METTL25: variants seen among roughly 807,000 people sequenced by gnomAD.
METTL25 encodes the protein methyltransferase like 25.
METTL25 carries 64 observed loss-of-function variants against 71.6 expected under a neutral mutation model. That is an observed-to-expected ratio of 0.89 (90% confidence interval 0.73 to 1.10). The LOEUF is 1.10. Ranked by LOEUF, METTL25 falls within the 50% of genes least tolerant of loss-of-function variation. The pLI, the probability that METTL25 is intolerant of heterozygous loss-of-function variation, is 0.00. For missense variants in METTL25, 807 were observed against 707.0 expected, an observed-to-expected ratio of 1.14 and a Z score of -1.60; for synonymous variants, 287 against 250.3, an observed-to-expected ratio of 1.15 and a Z score of -1.38.
intron 8 of METTL25, among the ~76,000 whole-genome samples, chr12:82,455,952 AG>A (rs1321532023): frequency 6.6e-6 from 1 of 151,928 alleles, no homozygotes; most frequent in Non-Finnish European, 1.5e-5. Context: ...TGTAATAAAA[AG>A]TGGAATTGAG....
In METTL25 at chr12:82,385,868, T is replaced by C. The variant is rs149521452; in HGVS notation, c.260-935T>C. ...TTGACACATGCTTTGATTACAGAGC[T>C]GAGACAAAAAAGAGTACTGAATCTT... is the stretch of plus-strand genomic sequence containing the variant. On this transcript the variant is annotated intron_variant, in intron 1 of 11. Coordinates refer to ENST00000248306, the MANE Select transcript of METTL25 (RefSeq NM_032230.3). Among the ~76,000 whole-genome samples the C allele has an allele frequency of 9.1e-4, 138 of 152,212 alleles. 4 individuals are homozygous for C. In the Middle Eastern group the frequency reaches 0.014, roughly 15 times the overall value.
In METTL25 at chr12:82,403,007, A is replaced by G. The variant is rs1380023072; in HGVS notation, c.1156A>G (p.Thr386Ala). The G allele has an allele frequency of 1.9e-6, 3 of 1,612,218 alleles. No homozygotes were observed. Among genetic ancestry groups the G allele is most frequent in the South Asian group, 1.1e-5 (1 of 90,774 alleles). ...GGATTGTTTGATGGTGGGTCTCCAC[A>G]CTTGTGGTGATCTGGCTCCAAATAC... The part of the protein sequence containing the change: ...LEDCLMVGLH[T>A]CGDLAPNTLR... The change falls in exon 5 of 12, where the codon ACT becomes GCT. Residue 386 changes from threonine to alanine, a missense_variant. By Grantham distance (58) the Thr-to-Ala change is moderately conservative. Coordinates refer to ENST00000248306, the MANE Select transcript of METTL25 (RefSeq NM_032230.3).
chr12:82,402,124 G>A lies in METTL25; in HGVS notation c.1132-859G>A, dbSNP rs115525687. ...GTGTGTACATTTAAATTAGGCTTTG[G>A]ATAATTAGAATAAACATTTCATAGG... On this transcript the variant is annotated intron_variant, in intron 4 of 11. Transcript: ENST00000248306. 8.0e-3 allele frequency among the ~76,000 whole-genome samples: 1,219 copies of A among 151,880 alleles called. 11 individuals carry two copies. Among genetic ancestry groups the A allele is most frequent in the African/African-American group, 0.028 (1,180 of 41,494 alleles).
At chr12:82,450,427 C>T (rs1891058329) in intron 8 of METTL25, among the ~76,000 whole-genome samples, 1 of 152,134 alleles carries the variant, frequency 6.6e-6, no homozygotes, top group African/African-American at 2.4e-5. Context: ...TCACCGTCCT[C>T]AGGACCATCA....
rs544790330 is a variant in METTL25 at position 82,458,077 on chromosome 12, C to A, written c.1572+1257C>A. Among the ~76,000 whole-genome samples, 18 of 152,076 alleles carry A rather than the reference C, an allele frequency of 1.2e-4. No individual in the cohort carries two copies. The East Asian group carries it at 3.5e-3, about 29-fold the overall frequency. On this transcript the variant is annotated intron_variant, in intron 9 of 11. Transcript: ENST00000248306. Reference sequence around the variant, plus strand: ...CTTAATAAATTAAAAAATTTATTATCATTCCTTCTGGCTTTGTTTTCCCAG... The same window carrying A: ...CTTAATAAATTAAAAAATTTATTATAATTCCTTCTGGCTTTGTTTTCCCAG...
At chr12:82,403,452 G>A (rs971894576) in intron 5 of METTL25, among the ~76,000 whole-genome samples, 5 of 152,094 alleles carry the variant, frequency 3.3e-5, no homozygotes, top group African/African-American at 1.2e-4. Context: ...CATTTACTGA[G>A]TTAGTAAAAC....
At chr12:82,447,738 G>A (rs1441281091) in intron 8 of METTL25, among the ~76,000 whole-genome samples, 4 of 152,060 alleles carry the variant, frequency 2.6e-5, no homozygotes, top group Non-Finnish European at 1.5e-5. Context: ...CAAGTTTGAT[G>A]TTGGGTACAA....
chr12:82,420,777 A>G (rs901825247), intron 5 of METTL25, among the ~76,000 whole-genome samples: 4 of 152,272 alleles, frequency 2.6e-5, no homozygotes, highest in African/African-American at 9.6e-5. Flanking sequence ...TTGGGGTCTT[A>G]ATATTAAAAG....
rs997457002 is a variant in METTL25, at chr12:82,469,525, A to G, written c.1573-7119A>G. Among the ~76,000 whole-genome samples the G allele has an allele frequency of 5.9e-5, 9 of 152,058 alleles. No homozygotes were observed. The East Asian group carries it at 1.8e-3, about 30-fold the overall frequency. On this transcript the variant is annotated intron_variant, in intron 9 of 11. Transcript: ENST00000248306. ...GAGAACTTACTATCATGAAAATAGC[A>G]TGGGGGAAACTGCCCCCATGATTCA...
intron 8 of METTL25, among the ~76,000 whole-genome samples, chr12:82,452,859 G>A (rs1158128412): frequency 6.6e-6 from 1 of 151,902 alleles, no homozygotes; most frequent in Non-Finnish European, 1.5e-5. Context: ...TTTATCCTCA[G>A]CCTTATGAGA....
At chr12:82,393,267 A>G (rs936071085) in intron 3 of METTL25, among the ~76,000 whole-genome samples, 1 of 152,056 alleles carries the variant, frequency 6.6e-6, no homozygotes, top group Non-Finnish European at 1.5e-5. Flanking sequence ...TGAACATGAA[A>G]TATCTTTCAG....
At chr12:82,372,897 C>T (rs767865716) in intron 1 of METTL25, among the ~76,000 whole-genome samples, 37 of 152,238 alleles carry the variant, frequency 2.4e-4, no homozygotes, top group Non-Finnish European at 4.1e-4. Context: ...GAACCTGCAA[C>T]GGTCCCTGGA....
chr12:82,461,105 T>C (rs71468181), intron 9 of METTL25, among the ~76,000 whole-genome samples: 7,973 of 152,240 alleles, frequency 0.052, 291 homozygotes, highest in Non-Finnish European at 0.077. Context: ...ATCGTGCCAC[T>C]GCACTCCAGC....
intron 7 of METTL25, 78 bp downstream of exon 7, chr12:82,434,802 A>T: frequency 8.8e-7 from 1 of 1,137,518 alleles, no homozygotes; most frequent in Non-Finnish European, 1.3e-6. Context: ...TGATGAACTT[A>T]AAACCTAATG....
intron 4 of METTL25, 68 bp downstream of exon 4, chr12:82,399,462 A>G: frequency 8.5e-7 from 1 of 1,178,252 alleles, no homozygotes; most frequent in Non-Finnish European, 1.2e-6. Flanking sequence ...ATAGTAGCTT[A>G]CTTAACATAC....
intron 1 of METTL25, among the ~76,000 whole-genome samples, chr12:82,382,997 A>G (rs7294918): frequency 0.058 from 8,860 of 152,258 alleles, 337 homozygotes; most frequent in Middle Eastern, 0.12. Context: ...GGTATGAGCC[A>G]CTATGCCCAG....
intron 1 of METTL25, 173 bp downstream of exon 1, chr12:82,358,997 C>T (rs1022436988): frequency 9.1e-5 from 62 of 679,104 alleles, no homozygotes; most frequent in Admixed American, 5.6e-4. Flanking sequence ...TGGGGATGTT[C>T]TTTGGAATCA....
intron 5 of METTL25, among the ~76,000 whole-genome samples, chr12:82,412,826 A>G (rs1464233835): frequency 6.6e-6 from 1 of 152,070 alleles, no homozygotes; most frequent in Non-Finnish European, 1.5e-5. Flanking sequence ...TCTCAGTGGA[A>G]TCTCACAGGG....
chr12:82,403,193 A>C, intron 5 of METTL25, 63 bp downstream of exon 5: 2 of 1,476,574 alleles, frequency 1.4e-6, no homozygotes, highest in East Asian at 2.4e-5. Context: ...TGCTATTTCT[A>C]TTTTCTATTT....
Sources: allele counts gnomAD v4.1 joint callset (sites outside exome capture counted in the v4.1 genomes callset), GRCh38; gene constraint gnomAD v4.1.1; transcripts MANE v1.5; gene names NCBI Gene and HGNC (gene_info 2026-07-23, HGNC 2026-07-21).